NEDD4L: variants seen among roughly 807,000 people sequenced by gnomAD.
NEDD4L encodes NEDD4 like E3 ubiquitin protein ligase, also known as E3 ubiquitin-protein ligase NEDD4-like.
A neutral mutation model predicts 148.9 loss-of-function variants in NEDD4L; 54 were observed. The observed-to-expected ratio is 0.36, with a 90% CI of 0.29 to 0.45. The LOEUF is 0.45. NEDD4L is among the 20% of genes least tolerant of loss of function. The probability of loss-of-function intolerance (pLI) is 1.00; values close to 1 mark genes in which losing one functional copy is unlikely to be tolerated. For missense variants in NEDD4L, 856 were observed against 1,233.8 expected (o/e 0.69, Z 4.59); for synonymous variants, 433 against 440.7 (o/e 0.98, Z 0.22).
At chr18:58,306,255 G>GA (rs1402429104) in intron 5 of NEDD4L, among the ~76,000 whole-genome samples, 1 of 151,600 alleles carries the variant, frequency 6.6e-6, no homozygotes, top group Non-Finnish European at 1.5e-5. Context: ...GCTCCAGTTT[G>GA]AAGAGCTCTG....
chr18:58,186,621 A>G (rs1452365362), intron 2 of NEDD4L, among the ~76,000 whole-genome samples: 1 of 152,206 alleles, frequency 6.6e-6, no homozygotes, highest in Non-Finnish European at 1.5e-5. Context: ...CATAGTCATC[A>G]ATCACTCTTA....
At chr18:58,198,366 A>T (rs970362226) in intron 2 of NEDD4L, among the ~76,000 whole-genome samples, 3 of 152,192 alleles carry the variant, frequency 2.0e-5, no homozygotes, top group African/African-American at 7.2e-5. Flanking sequence ...GCAGAGTGAC[A>T]TGTAAGAAGC....
chr18:58,389,217 C>A (rs760870315), intron 28 of NEDD4L, 25 bp downstream of exon 28: 1 of 1,543,626 alleles, frequency 6.5e-7, no homozygotes, highest in East Asian at 2.3e-5. Flanking sequence ...CAGCCCCAGC[C>A]GGTGTCCTCC....
chr18:58,091,159 T>G (rs1599201817), intron 1 of NEDD4L: 1 of 152,306 alleles, frequency 6.6e-6, no homozygotes, highest in African/African-American at 2.4e-5. Context: ...AGCCTGTGTT[T>G]CCACAACAAC....
intron 2 of NEDD4L, 150 bp downstream of exon 2, chr18:58,166,011 C>G: frequency 1.5e-6 from 1 of 661,688 alleles, no homozygotes; most frequent in East Asian, 2.7e-5. Context: ...GGAAGTGATG[C>G]TGGCCCAGCT....
At chr18:58,071,871 G>A (rs747592777) in intron 1 of NEDD4L, among the ~76,000 whole-genome samples, 1 of 152,166 alleles carries the variant, frequency 6.6e-6, no homozygotes, top group African/African-American at 2.4e-5. Flanking sequence ...GACTTATTCA[G>A]TACCATGAGA....
chr18:58,045,008 C>T (rs1270174604), intron 1 of NEDD4L: 5 of 415,084 alleles, frequency 1.2e-5, no homozygotes, highest in Middle Eastern at 6.2e-4. Context: ...CCTCTCTTCC[C>T]TCTTCCTCTC....
chr18:58,295,378 T>C (rs1354068382), intron 5 of NEDD4L, among the ~76,000 whole-genome samples: 1 of 152,186 alleles, frequency 6.6e-6, no homozygotes, highest in Admixed American at 6.5e-5. Flanking sequence ...TGTGTAGCCT[T>C]TTCATAGTGG....
intron 1 of NEDD4L, among the ~76,000 whole-genome samples, chr18:58,053,257 G>A (rs1250935060): frequency 6.6e-6 from 1 of 152,122 alleles, no homozygotes; most frequent in Non-Finnish European, 1.5e-5. Flanking sequence ...CAGAAGTGCA[G>A]TGACAAGGGC....
chr18:58,126,378 A>G (rs998718024), intron 1 of NEDD4L, among the ~76,000 whole-genome samples: 1 of 152,166 alleles, frequency 6.6e-6, no homozygotes, highest in Non-Finnish European at 1.5e-5. Flanking sequence ...GCATAAACGG[A>G]ATCATACTAG....
At chr18:58,359,214 A>T (rs1267232947) in intron 19 of NEDD4L, among the ~76,000 whole-genome samples, 4 of 150,856 alleles carry the variant, frequency 2.7e-5, no homozygotes, top group African/African-American at 9.7e-5. Context: ...CTCTGTTCGT[A>T]TTTGCTGTTT....
At chr18:58,278,066 T>C (rs375189923) in intron 5 of NEDD4L, among the ~76,000 whole-genome samples, 1 of 152,346 alleles carries the variant, frequency 6.6e-6, no homozygotes, top group East Asian at 1.9e-4. Flanking sequence ...TGTCATTGTT[T>C]GAGAAATATC....
chr18:58,072,242 C>G (rs1375408530), intron 1 of NEDD4L, among the ~76,000 whole-genome samples: 1 of 152,064 alleles, frequency 6.6e-6, no homozygotes, highest in African/African-American at 2.4e-5. Flanking sequence ...TATAATTAAC[C>G]TGATACCAAA....
chr18:58,229,850 C>T (rs977884511), intron 2 of NEDD4L, among the ~76,000 whole-genome samples: 2 of 151,996 alleles, frequency 1.3e-5, no homozygotes, highest in Admixed American at 6.6e-5. Flanking sequence ...ATTAGCTGGG[C>T]GTGGTGGCGG....
chr18:58,138,724 T>C (rs1216326567), intron 1 of NEDD4L, among the ~76,000 whole-genome samples: 1 of 152,204 alleles, frequency 6.6e-6, no homozygotes, highest in East Asian at 1.9e-4. Context: ...CGTCACCTTG[T>C]TATATCCTTA....
At chr18:58,139,165 T>G (rs1422892953) in intron 1 of NEDD4L, among the ~76,000 whole-genome samples, 1 of 152,236 alleles carries the variant, frequency 6.6e-6, no homozygotes, top group African/African-American at 2.4e-5. Context: ...TGTTATTCTG[T>G]TAGAAAACTG....
At chr18:58,248,693 T>A (rs550523325) in intron 3 of NEDD4L, among the ~76,000 whole-genome samples, 1 of 152,142 alleles carries the variant, frequency 6.6e-6, no homozygotes, top group Non-Finnish European at 1.5e-5. Context: ...CAGTTTAAGG[T>A]TTCATACCTA....
intron 5 of NEDD4L, among the ~76,000 whole-genome samples, chr18:58,276,499 G>A (rs924486870): frequency 1.1e-4 from 16 of 152,108 alleles, no homozygotes; most frequent in East Asian, 1.9e-4. Context: ...GTGAGCCACC[G>A]TGCCCAGCCC....
intron 18 of NEDD4L, among the ~76,000 whole-genome samples, chr18:58,353,556 A>C (rs187471507): frequency 4.6e-5 from 7 of 152,360 alleles, no homozygotes; most frequent in Admixed American, 4.6e-4. Context: ...ACTCAATGGA[A>C]AGCTGTAGAG....
Sources: gnomAD v4.1 joint callset for allele counts (sites outside exome capture counted in the v4.1 genomes callset) on GRCh38, gnomAD v4.1.1 for gene constraint, MANE v1.5 for transcripts, NCBI Gene and HGNC (gene_info 2026-07-23, HGNC 2026-07-21) for gene names.